Variants in SLC24A2 observed in about 807,000 individuals in gnomAD.
The protein encoded by SLC24A2 is sodium/potassium/calcium exchanger 2.
A neutral mutation model predicts 62.0 loss-of-function variants in SLC24A2; 36 were observed. The observed-to-expected ratio is 0.58, with a 90% CI of 0.44 to 0.77. The LOEUF (loss-of-function observed/expected upper bound fraction) is 0.77, where lower values mean the gene tolerates loss of function less well. SLC24A2 is among the 30% of genes least tolerant of loss of function. The probability of loss-of-function intolerance (pLI) is 0.00; values close to 1 mark genes in which losing one functional copy is unlikely to be tolerated. For synonymous variants in SLC24A2, 358 were observed against 294.0 expected (o/e 1.22, Z -2.23); for missense variants, 846 against 817.9 (o/e 1.03, Z -0.42).
chr9:20,201,165 C>A, the SLC24A2 span, among the ~76,000 whole-genome samples: 1 of 152,178 alleles, frequency 6.6e-6, no homozygotes, highest in East Asian at 1.9e-4. Flanking sequence ...ATTTGCTTAT[C>A]CTCACAGCTA....
chr9:19,668,098 C>T (rs1819309446), intron 2 of SLC24A2, among the ~76,000 whole-genome samples: 1 of 152,164 alleles, frequency 6.6e-6, no homozygotes, highest in Admixed American at 6.5e-5. Flanking sequence ...GTTGCCTCCT[C>T]AGGCCCTAGT....
intron 7 of SLC24A2, among the ~76,000 whole-genome samples, chr9:19,551,699 T>G (rs1413002899): frequency 3.3e-5 from 5 of 152,140 alleles, no homozygotes; most frequent in Non-Finnish European, 5.9e-5. Flanking sequence ...CCTGTGTCCC[T>G]ACAGAGGTGG....
intron 7 of SLC24A2, among the ~76,000 whole-genome samples, chr9:19,552,196 G>A (rs1834878425): frequency 1.3e-5 from 2 of 152,126 alleles, no homozygotes; most frequent in African/African-American, 2.4e-5. Flanking sequence ...GAAGCTTGGT[G>A]TGCTGGCTCT....
At chr9:19,823,649 C>G in the SLC24A2 span, among the ~76,000 whole-genome samples, 2 of 151,712 alleles carry the variant, frequency 1.3e-5, no homozygotes, top group Non-Finnish European at 2.9e-5. Context: ...CAAAACAAAA[C>G]AAAACAAAAC....
chr9:19,893,032 C>A, the SLC24A2 span, among the ~76,000 whole-genome samples: 28 of 152,232 alleles, frequency 1.8e-4, no homozygotes, highest in Non-Finnish European at 2.5e-4. Context: ...AAAATCCTCT[C>A]CATGGTTTCC....
the SLC24A2 span, among the ~76,000 whole-genome samples, chr9:19,947,181 C>T: frequency 2.0e-5 from 3 of 152,200 alleles, no homozygotes; most frequent in Non-Finnish European, 4.4e-5. Context: ...GTGATACTCA[C>T]TGATTATTGA....
intron 2 of SLC24A2, among the ~76,000 whole-genome samples, chr9:19,751,183 G>T (rs1186277711): frequency 6.6e-6 from 1 of 152,112 alleles, no homozygotes; most frequent in South Asian, 2.1e-4. Flanking sequence ...AGCAGTAAAA[G>T]TTATTGTAGC....
At chr9:19,863,958 A>G in the SLC24A2 span, among the ~76,000 whole-genome samples, 1 of 152,022 alleles carries the variant, frequency 6.6e-6, no homozygotes, top group African/African-American at 2.4e-5. Context: ...TAACAAAAAA[A>G]GAGAGAAGAT....
the SLC24A2 span, among the ~76,000 whole-genome samples, chr9:20,057,776 G>C: frequency 6.6e-6 from 1 of 152,234 alleles, no homozygotes; most frequent in South Asian, 2.1e-4. Flanking sequence ...GCACATTCTA[G>C]TAACTTAAAA....
At chr9:19,760,541 C>A (rs546527737) in intron 2 of SLC24A2, among the ~76,000 whole-genome samples, 1 of 151,732 alleles carries the variant, frequency 6.6e-6, no homozygotes, top group Non-Finnish European at 1.5e-5. Flanking sequence ...CCAACAGGCT[C>A]CTGTGTGATG....
intron 9 of SLC24A2, 124 bp from the exon 10 acceptor site, chr9:19,521,184 T>C: frequency 2.3e-6 from 2 of 860,532 alleles, no homozygotes; most frequent in Non-Finnish European, 3.8e-6. Flanking sequence ...AGTGCTGAGA[T>C]GATAAAGATG....
chr9:20,290,790 A>G, the SLC24A2 span, among the ~76,000 whole-genome samples: 1 of 152,222 alleles, frequency 6.6e-6, no homozygotes, highest in African/African-American at 2.4e-5. Flanking sequence ...AGAAAGGCAG[A>G]GGCAGAAATG....
intron 2 of SLC24A2, among the ~76,000 whole-genome samples, chr9:19,757,698 T>G (rs1188134201): frequency 6.6e-6 from 1 of 152,198 alleles, no homozygotes; most frequent in Non-Finnish European, 1.5e-5. Context: ...TATCATTTAT[T>G]TGTCTTCACC....
At chr9:20,208,548 G>A in the SLC24A2 span, among the ~76,000 whole-genome samples, 1 of 152,122 alleles carries the variant, frequency 6.6e-6, no homozygotes, top group Non-Finnish European at 1.5e-5. Context: ...TTCCCATAGG[G>A]CACCTAAAAC....
intron 2 of SLC24A2, among the ~76,000 whole-genome samples, chr9:19,640,621 T>A (rs1290142592): frequency 6.6e-6 from 1 of 152,126 alleles, no homozygotes; most frequent in Non-Finnish European, 1.5e-5. Flanking sequence ...TTTCAAAAAA[T>A]AAATATTAGT....
chr9:20,051,760 T>C, the SLC24A2 span, among the ~76,000 whole-genome samples: 53 of 150,184 alleles, frequency 3.5e-4, no homozygotes, highest in Admixed American at 3.4e-4. Context: ...AAATGTATGG[T>C]GCTCCTTGGT....
the SLC24A2 span, among the ~76,000 whole-genome samples, chr9:20,141,782 A>C: frequency 6.6e-6 from 1 of 152,072 alleles, no homozygotes; most frequent in Non-Finnish European, 1.5e-5. Flanking sequence ...TATAAAGATA[A>C]GATTAAAATA....
rs139289790 is a variant in SLC24A2, at chr9:19,615,134, T to C, written c.1078+4450A>G. On this transcript the variant is annotated intron_variant, in intron 4 of 10. Transcript: ENST00000341998. The stretch of plus-strand genomic sequence containing the variant: ...TTGGCAAGGGCTCATTCACTGGATT[T>C]TGGAAGACAACAACACCTGAGTGGC... 3.2e-3 allele frequency among the ~76,000 whole-genome samples: 493 copies of C among 152,272 alleles called. 1 individual carries two copies. The highest frequency in any genetic ancestry group is 0.011 in the African/African-American group (476 of 41,562).
the SLC24A2 span, among the ~76,000 whole-genome samples, chr9:20,248,124 A>G: frequency 1.3e-5 from 2 of 152,184 alleles, no homozygotes; most frequent in Non-Finnish European, 2.9e-5. Context: ...TGCCTCTGAG[A>G]TACAGTTTCT....
Sources: gnomAD v4.1 joint callset for allele counts (sites outside exome capture counted in the v4.1 genomes callset) on GRCh38, gnomAD v4.1.1 for gene constraint, MANE v1.5 for transcripts, NCBI Gene and HGNC (gene_info 2026-07-23, HGNC 2026-07-21) for gene names.